The following MOB3B variants were observed in gnomAD, a reference collection of about 807,000 sequenced individuals.
The protein encoded by MOB3B is MOB kinase activator-like 2B.
A neutral mutation model predicts 18.7 loss-of-function variants in MOB3B; 7 were observed. The observed-to-expected ratio is 0.37, with a 90% confidence interval of 0.21 to 0.70. The LOEUF (loss-of-function observed/expected upper bound fraction) is 0.70, where lower values mean the gene tolerates loss of function less well. MOB3B is among the 30% of genes least tolerant of loss of function. The pLI, the probability that MOB3B is intolerant of heterozygous loss-of-function variation, is 0.52. For missense variants in MOB3B, 253 were observed against 281.3 expected, an observed-to-expected ratio of 0.90 and a Z score of 0.72; for synonymous variants, 111 against 99.9, an observed-to-expected ratio of 1.11 and a Z score of -0.66.
At chr9:27,523,464 C>CA (rs55637136) in intron 1 of MOB3B, among the ~76,000 whole-genome samples, 1,822 of 141,704 alleles carry the variant, frequency 0.013, 41 homozygotes, top group African/African-American at 0.044. Context: ...TAAACTGCAC[C>CA]AAAAAAAAAA....
At chr9:27,377,033 T>C (rs1360758351) in intron 2 of MOB3B, among the ~76,000 whole-genome samples, 1 of 152,236 alleles carries the variant, frequency 6.6e-6, no homozygotes, top group African/African-American at 2.4e-5. Context: ...ACTTAGCCTC[T>C]CTGAGGCTGT....
intron 1 of MOB3B, among the ~76,000 whole-genome samples, chr9:27,507,084 T>C (rs1190757789): frequency 6.6e-6 from 1 of 152,218 alleles, no homozygotes; most frequent in Non-Finnish European, 1.5e-5. Flanking sequence ...TACCATTTGC[T>C]GTGTGCCACA....
At chr9:27,371,072 T>C (rs1333510274) in intron 2 of MOB3B, among the ~76,000 whole-genome samples, 1 of 152,190 alleles carries the variant, frequency 6.6e-6, no homozygotes, top group Non-Finnish European at 1.5e-5. Flanking sequence ...GTATTGTACA[T>C]TTGCATTGAT....
intron 3 of MOB3B, among the ~76,000 whole-genome samples, chr9:27,354,213 C>T (rs1821151326): frequency 6.6e-6 from 1 of 152,246 alleles, no homozygotes; most frequent in African/African-American, 2.4e-5. Context: ...CTCTTCCCAG[C>T]TTCTGAATTC....
chr9:27,403,777 C>T (rs372518408), intron 2 of MOB3B, among the ~76,000 whole-genome samples: 2 of 151,796 alleles, frequency 1.3e-5, no homozygotes, highest in South Asian at 2.1e-4. Context: ...TTATGCCTGG[C>T]CTCTTTATTA....
At chr9:27,431,212 A>T (rs536424065) in intron 2 of MOB3B, among the ~76,000 whole-genome samples, 1 of 152,356 alleles carries the variant, frequency 6.6e-6, no homozygotes, top group Admixed American at 6.5e-5. Flanking sequence ...AAAAATAAAT[A>T]AACCTCATGA....
At chr9:27,475,580 A>C (rs1563877771) in intron 1 of MOB3B, among the ~76,000 whole-genome samples, 1 of 152,254 alleles carries the variant, frequency 6.6e-6, no homozygotes, top group Non-Finnish European at 1.5e-5. Flanking sequence ...GGAGGTCAAT[A>C]TATCTGTATT....
At chr9:27,387,056 G>A (rs1404843212) in intron 2 of MOB3B, among the ~76,000 whole-genome samples, 4 of 152,220 alleles carry the variant, frequency 2.6e-5, no homozygotes, top group African/African-American at 9.6e-5. Context: ...TTACAAGCTT[G>A]TGAAAATGAA....
chr9:27,437,488 T>C (rs1418467409), intron 2 of MOB3B, among the ~76,000 whole-genome samples: 1 of 152,224 alleles, frequency 6.6e-6, no homozygotes, highest in Non-Finnish European at 1.5e-5. Flanking sequence ...CATAGCTCTG[T>C]TAGCACATTT....
At chr9:27,513,658 G>A (rs1464367627) in intron 1 of MOB3B, among the ~76,000 whole-genome samples, 2 of 152,094 alleles carry the variant, frequency 1.3e-5, no homozygotes, top group African/African-American at 4.8e-5. Context: ...CTCCCTTCCA[G>A]CTTTGTACAC....
At chr9:27,470,009 G>A (rs1819446837) in intron 1 of MOB3B, among the ~76,000 whole-genome samples, 1 of 151,500 alleles carries the variant, frequency 6.6e-6, no homozygotes, top group Non-Finnish European at 1.5e-5. Flanking sequence ...GGGAGGCTGA[G>A]GCAGGAGGAG....
chr9:27,471,394 T>G (rs1474279421), intron 1 of MOB3B, among the ~76,000 whole-genome samples: 3 of 152,192 alleles, frequency 2.0e-5, no homozygotes, highest in Non-Finnish European at 4.4e-5. Flanking sequence ...GCCCTGCCCC[T>G]ACTGGTCTAC....
chr9:27,480,157 T>C (rs1819625527), intron 1 of MOB3B, among the ~76,000 whole-genome samples: 1 of 143,668 alleles, frequency 7.0e-6, no homozygotes, highest in Admixed American at 6.8e-5. Context: ...AATGCATAAC[T>C]TTTTTTTTTC....
chr9:27,475,815 C>T (rs1484510992), intron 1 of MOB3B, among the ~76,000 whole-genome samples: 1 of 152,170 alleles, frequency 6.6e-6, no homozygotes, highest in Non-Finnish European at 1.5e-5. Flanking sequence ...TCCTCACACC[C>T]TCCACCACAA....
intron 2 of MOB3B, among the ~76,000 whole-genome samples, chr9:27,413,498 G>A (rs1010304896): frequency 1.3e-5 from 2 of 152,202 alleles, no homozygotes; most frequent in East Asian, 1.9e-4. Flanking sequence ...GTTGCTGCAC[G>A]AGTTATGCCC....
chr9:27,359,378 T>G (rs865950458), intron 2 of MOB3B, 142 bp from the exon 3 acceptor site: 2,805 of 277,892 alleles, frequency 0.01, 6 homozygotes, highest in Non-Finnish European at 0.012. Context: ...TGTGTGTGTG[T>G]GGGGGGGGGG....
At chr9:27,422,502 G>C (rs1218939106) in intron 2 of MOB3B, among the ~76,000 whole-genome samples, 1 of 152,184 alleles carries the variant, frequency 6.6e-6, no homozygotes. Context: ...GTTATTAATG[G>C]AATGCAACCA....
At chr9:27,401,508 A>G (rs890925051) in intron 2 of MOB3B, among the ~76,000 whole-genome samples, 1 of 152,158 alleles carries the variant, frequency 6.6e-6, no homozygotes, top group Non-Finnish European at 1.5e-5. Flanking sequence ...TGGGTCTGTG[A>G]GCAAAGATAG....
At chr9:27,427,508 G>C (rs1049352018) in intron 2 of MOB3B, among the ~76,000 whole-genome samples, 1 of 152,206 alleles carries the variant, frequency 6.6e-6, no homozygotes, top group Non-Finnish European at 1.5e-5. Context: ...CTTAATGTCA[G>C]CCCAGGTAGT....
Sources: allele counts gnomAD v4.1 joint callset (sites outside exome capture counted in the v4.1 genomes callset), GRCh38; gene constraint gnomAD v4.1.1; transcripts MANE v1.5; gene names NCBI Gene and HGNC (gene_info 2026-07-23, HGNC 2026-07-21).